RBFOX1: variants seen among roughly 807,000 people sequenced by gnomAD.
RBFOX1 encodes the protein RNA binding protein fox-1 homolog 1.
RBFOX1 carries 8 observed loss-of-function variants against 57.7 expected under a neutral mutation model. The observed-to-expected ratio is 0.14, with a 90% CI of 0.08 to 0.25. The LOEUF is 0.25. Among genes scored for constraint, RBFOX1 ranks in the 10% least tolerant of loss-of-function variants. The pLI, the probability that RBFOX1 is intolerant of heterozygous loss-of-function variation, is 1.00. For synonymous variants in RBFOX1, 326 were observed against 222.4 expected (o/e 1.47, Z -4.15); for missense variants, 611 against 548.5 (o/e 1.11, Z -1.14).
At chr16:7,626,044 CAT>C (rs1168749634) in intron 10 of RBFOX1, among the ~76,000 whole-genome samples, 13 of 152,190 alleles carry the variant, frequency 8.5e-5, no homozygotes, top group African/African-American at 2.9e-4. Context: ...GACAAAGGTA[CAT>C]AGATAGGGTT....
intron 3 of RBFOX1, among the ~76,000 whole-genome samples, chr16:5,760,389 T>A (rs3910450): frequency 2.0e-5 from 3 of 151,886 alleles, no homozygotes; most frequent in African/African-American, 7.3e-5. Context: ...TATATACATA[T>A]ACATACACAC....
chr16:7,457,760 A>G (rs554116716), intron 4 of RBFOX1, among the ~76,000 whole-genome samples: 40 of 152,094 alleles, frequency 2.6e-4, no homozygotes, highest in South Asian at 2.1e-4. Flanking sequence ...TCTTGTGTGC[A>G]GTCTGGAAGG....
intron 3 of RBFOX1, among the ~76,000 whole-genome samples, chr16:5,806,756 G>T (rs1035272750): frequency 6.6e-6 from 1 of 152,236 alleles, no homozygotes; most frequent in Non-Finnish European, 1.5e-5. Flanking sequence ...CCCGGGATAA[G>T]CTTCCCTAAT....
At chr16:7,046,420 C>T (rs981794352) in intron 3 of RBFOX1, among the ~76,000 whole-genome samples, 7 of 152,092 alleles carry the variant, frequency 4.6e-5, no homozygotes, top group African/African-American at 1.7e-4. Context: ...GAAACCTTAT[C>T]ACCCATGTTA....
chr16:7,215,523 C>A (rs989350565), intron 4 of RBFOX1, among the ~76,000 whole-genome samples: 3 of 152,088 alleles, frequency 2.0e-5, no homozygotes, highest in Non-Finnish European at 4.4e-5. Context: ...TTACACAGTG[C>A]AAAATTCACC....
chr16:6,618,122 C>T (rs1478287904), intron 2 of RBFOX1, among the ~76,000 whole-genome samples: 1 of 152,002 alleles, frequency 6.6e-6, no homozygotes, highest in African/African-American at 2.4e-5. Flanking sequence ...CTTATCCTAA[C>T]CGTCAGTGCT....
chr16:5,919,657 C>G (rs1007840833), intron 4 of RBFOX1, among the ~76,000 whole-genome samples: 2 of 152,164 alleles, frequency 1.3e-5, no homozygotes, highest in African/African-American at 2.4e-5. Context: ...CATTTTAAAG[C>G]GTATAATTCC....
chr16:5,887,822 C>G lies in RBFOX1; in HGVS notation c.351+20487C>G, dbSNP rs149175969. On this transcript the variant is annotated intron_variant, in intron 4 of 19. Coordinates refer to the RBFOX1 transcript ENST00000641259. ...GCCAGAATTCTGAGCAGTCTTAGTT[C>G]TTTGTGCTCTTTTTAGGAGAGAGAT... is the stretch of plus-strand genomic sequence containing the variant. Among the ~76,000 whole-genome samples, 104 of 152,278 alleles carry G rather than the reference C, an allele frequency of 6.8e-4. 1 individual carries two copies. The highest frequency in any genetic ancestry group is 2.5e-3 in the African/African-American group (102 of 41,550).
At chr16:6,877,708 G>C (rs1047419734) in intron 3 of RBFOX1, among the ~76,000 whole-genome samples, 1 of 152,158 alleles carries the variant, frequency 6.6e-6, no homozygotes, top group Non-Finnish European at 1.5e-5. Context: ...TGAGAAAATA[G>C]AGGCTCAAAG....
rs111890041 is a variant in RBFOX1, at chr16:6,798,261, C to A, written c.-16+143611C>A. 7.8e-3 allele frequency among the ~76,000 whole-genome samples: 1,189 copies of A among 152,162 alleles called. 27 individuals are homozygous for A. Among genetic ancestry groups the A allele is most frequent in the African/African-American group, 0.027 (1,118 of 41,500 alleles). ...TAGTCCCAGAGAAGAGTTCCTGGAT[C>A]CTGTTACATGCTTCCTGAATCTGCA... is the stretch of plus-strand genomic sequence containing the variant. On this transcript the variant is annotated intron_variant, in intron 3 of 15. Transcript: ENST00000550418.
chr16:5,288,967 T>C (rs556163944), intron 1 of RBFOX1, among the ~76,000 whole-genome samples: 2 of 151,538 alleles, frequency 1.3e-5, no homozygotes, highest in South Asian at 4.2e-4. Context: ...TATACTAAAA[T>C]AAAAAAAATT....
chr16:6,608,432 G>T (rs546183000), intron 2 of RBFOX1, among the ~76,000 whole-genome samples: 1 of 152,288 alleles, frequency 6.6e-6, no homozygotes, highest in East Asian at 1.9e-4. Flanking sequence ...GGGGATAACA[G>T]TTTTCACCCT....
chr16:6,612,941 GACAA>G (rs887502429), intron 2 of RBFOX1, among the ~76,000 whole-genome samples: 4 of 151,698 alleles, frequency 2.6e-5, no homozygotes, highest in African/African-American at 4.8e-5. Flanking sequence ...AATTCAGTTT[GACAA>G]ACAAAGCCCC....
At chr16:5,848,321 C>G (rs2056807687) in intron 3 of RBFOX1, among the ~76,000 whole-genome samples, 1 of 152,180 alleles carries the variant, frequency 6.6e-6, no homozygotes, top group Non-Finnish European at 1.5e-5. Context: ...AAACCCCTAA[C>G]AAAAACCGAT....
At chr16:5,902,343 C>G (rs1400343882) in intron 4 of RBFOX1, among the ~76,000 whole-genome samples, 1 of 152,208 alleles carries the variant, frequency 6.6e-6, no homozygotes, top group East Asian at 1.9e-4. Flanking sequence ...GTCTCATCCT[C>G]TGTTTTCCCA....
At chr16:7,499,071 A>C (rs1210697099) in intron 4 of RBFOX1, among the ~76,000 whole-genome samples, 1 of 152,188 alleles carries the variant, frequency 6.6e-6, no homozygotes, top group Non-Finnish European at 1.5e-5. Context: ...TCCCAGGGCT[A>C]CGAAAACAAA....
chr16:7,112,334 C>G (rs912156306), intron 4 of RBFOX1, among the ~76,000 whole-genome samples: 2 of 151,598 alleles, frequency 1.3e-5, no homozygotes, highest in Non-Finnish European at 2.9e-5. Flanking sequence ...TCCAAAGTAT[C>G]TGGGACTACA....
At chr16:5,286,025 C>T (rs1391543701) in intron 1 of RBFOX1, among the ~76,000 whole-genome samples, 1 of 152,154 alleles carries the variant, frequency 6.6e-6, no homozygotes, top group East Asian at 1.9e-4. Flanking sequence ...CCACATCGGC[C>T]TCCCAAAGTG....
chr16:5,686,308 G>C (rs530846087), intron 3 of RBFOX1, among the ~76,000 whole-genome samples: 5 of 152,184 alleles, frequency 3.3e-5, no homozygotes, highest in Admixed American at 6.6e-5. Flanking sequence ...GTGATGTTCT[G>C]TTTGTTTAAG....
Sources: allele counts gnomAD v4.1 joint callset (sites outside exome capture counted in the v4.1 genomes callset), GRCh38; gene constraint gnomAD v4.1.1; transcripts MANE v1.5; gene names NCBI Gene and HGNC (gene_info 2026-07-23, HGNC 2026-07-21).